IP6K1: variants seen among roughly 807,000 people sequenced by gnomAD.
The protein encoded by IP6K1 is inositol hexakisphosphate kinase 1, also known as ATP:1D-myo-inositol-hexakisphosphate phosphotransferase.
In IP6K1, 13 loss-of-function variants were observed where a neutral mutation model predicts 38.3. The ratio of observed to expected loss-of-function variants is 0.34; its 90% CI spans 0.22 to 0.54. IP6K1 has a LOEUF of 0.54. Ranked by LOEUF, IP6K1 falls within the 20% of genes least tolerant of loss-of-function variation. The probability of loss-of-function intolerance (pLI) is 0.92; values close to 1 mark genes in which losing one functional copy is unlikely to be tolerated. For synonymous variants in IP6K1, 212 were observed against 229.9 expected, an observed-to-expected ratio of 0.92 and a Z score of 0.70; for missense variants, 397 against 599.8, an observed-to-expected ratio of 0.66 and a Z score of 3.53.
chr3:49,755,255 T>C (rs1217131217), intron 1 of IP6K1, among the ~76,000 whole-genome samples: 2 of 152,104 alleles, frequency 1.3e-5, no homozygotes, highest in Non-Finnish European at 2.9e-5. Context: ...AATGTTTTTA[T>C]AGAATAAAGT....
intron 1 of IP6K1, among the ~76,000 whole-genome samples, chr3:49,779,166 T>C (rs1200644878): frequency 6.6e-6 from 1 of 152,218 alleles, no homozygotes; most frequent in African/African-American, 2.4e-5. Flanking sequence ...CAATCACTAA[T>C]GTACTTTCTG....
chr3:49,735,237 C>T (rs1235870418), intron 3 of IP6K1, among the ~76,000 whole-genome samples: 1 of 152,122 alleles, frequency 6.6e-6, no homozygotes, highest in African/African-American at 2.4e-5. Flanking sequence ...CACCTGTAGT[C>T]CCAGCTACTT....
chr3:49,762,542 T>C (rs571690207), intron 1 of IP6K1, among the ~76,000 whole-genome samples: 189 of 151,976 alleles, frequency 1.2e-3, no homozygotes, highest in Non-Finnish European at 1.9e-3. Flanking sequence ...AGAGCGAGAC[T>C]CTGTCTCAAA....
intron 1 of IP6K1, among the ~76,000 whole-genome samples, chr3:49,761,806 T>G (rs961582862): frequency 1.3e-5 from 2 of 151,532 alleles, no homozygotes; most frequent in African/African-American, 4.9e-5. Context: ...AAATGAAAAT[T>G]AGGCAGGCAT....
chr3:49,775,481 T>C (rs1191812644), intron 1 of IP6K1: 3 of 621,886 alleles, frequency 4.8e-6, no homozygotes, highest in South Asian at 2.3e-5. Context: ...CTGGGGTCTC[T>C]GGTGCCTATT....
intron 3 of IP6K1, among the ~76,000 whole-genome samples, chr3:49,736,594 AT>A (rs879676863): frequency 2.8e-4 from 43 of 152,084 alleles, no homozygotes; most frequent in Non-Finnish European, 3.1e-4. Context: ...TGGATATACC[AT>A]ATTTTGTTTA....
At chr3:49,783,119 C>CA (rs1177853458) in intron 1 of IP6K1, among the ~76,000 whole-genome samples, 4,289 of 100,826 alleles carry the variant, frequency 0.043, 84 homozygotes, top group Middle Eastern at 0.067. Context: ...GACTCTGTCT[C>CA]AAAAAAAAAA....
intron 3 of IP6K1, among the ~76,000 whole-genome samples, chr3:49,735,460 G>C (rs1021484693): frequency 2.0e-5 from 3 of 152,302 alleles, no homozygotes; most frequent in Admixed American, 2.0e-4. Context: ...TCACCTGAAC[G>C]ACCAAGTTAG....
intron 1 of IP6K1, among the ~76,000 whole-genome samples, chr3:49,757,965 A>ATTGACCTTT (rs2080838781): frequency 6.6e-6 from 1 of 152,198 alleles, no homozygotes; most frequent in Admixed American, 6.5e-5. Flanking sequence ...TGGTCACAGC[A>ATTGACCTTT]TTGACCTTTT....
chr3:49,772,469 C>T (rs1413535428), intron 1 of IP6K1, among the ~76,000 whole-genome samples: 3 of 151,950 alleles, frequency 2.0e-5, no homozygotes, highest in Non-Finnish European at 4.4e-5. Flanking sequence ...GTGGCACGAT[C>T]ATGATTCACT....
At chr3:49,771,683 A>C (rs1411489515) in intron 1 of IP6K1, among the ~76,000 whole-genome samples, 1 of 152,228 alleles carries the variant, frequency 6.6e-6, no homozygotes, top group East Asian at 1.9e-4. Flanking sequence ...CCTATGACCC[A>C]GCAATTCTAG....
intron 4 of IP6K1, among the ~76,000 whole-genome samples, chr3:49,730,501 T>C (rs2080552958): frequency 6.6e-6 from 1 of 152,202 alleles, no homozygotes; most frequent in Non-Finnish European, 1.5e-5. Context: ...GGAAACCAGA[T>C]TCTAACATTC....
intron 3 of IP6K1, among the ~76,000 whole-genome samples, chr3:49,735,275 A>T (rs7618519): frequency 0.53 from 80,975 of 152,014 alleles, 22,384 homozygotes; most frequent in East Asian, 0.82. Context: ...GGGGATAGGA[A>T]GGCTTGAGCC....
Position 49,747,808 on chromosome 3 carries a change from A to AGT in IP6K1, c.223+8_223+9dup, listed in dbSNP as rs1423197209. 9.3e-6 allele frequency: 15 copies of AGT among 1,614,122 alleles called. No individual in the cohort carries two copies. Among genetic ancestry groups the AGT allele is most frequent in the Non-Finnish European group, 1.3e-5 (15 of 1,179,978 alleles). On this transcript the variant is annotated intron_variant, in intron 2 of 5. Coordinates refer to ENST00000321599, the MANE Select transcript of IP6K1 (RefSeq NM_153273.4). ...GGCTGCTGCTTTCATTAAACTGGCC[A>AGT]GTGACTGACCTTTGTATTCAGGGGT...
At chr3:49,733,901 A>G (rs1305513344) in intron 3 of IP6K1, among the ~76,000 whole-genome samples, 1 of 152,192 alleles carries the variant, frequency 6.6e-6, no homozygotes, top group African/African-American at 2.4e-5. Context: ...AGGCCAAGGT[A>G]GGAGGATCAC....
intron 1 of IP6K1, among the ~76,000 whole-genome samples, chr3:49,780,157 G>A (rs2081052280): frequency 6.6e-6 from 1 of 151,984 alleles, no homozygotes; most frequent in Admixed American, 6.6e-5. Context: ...AAAGAGATCA[G>A]CAGATTTTCT....
At chr3:49,768,587 T>G (rs567009662) in intron 1 of IP6K1, among the ~76,000 whole-genome samples, 1 of 152,166 alleles carries the variant, frequency 6.6e-6, no homozygotes, top group African/African-American at 2.4e-5. Context: ...CTGGCCAACA[T>G]GGTGAAACCC....
intron 1 of IP6K1, among the ~76,000 whole-genome samples, chr3:49,782,927 T>C (rs1435112777): frequency 5.9e-5 from 7 of 117,650 alleles, no homozygotes; most frequent in Non-Finnish European, 1.2e-4. Flanking sequence ...CTGGCCAACA[T>C]GGCAAAACCC....
At chr3:49,742,320 G>T (rs989809605) in intron 2 of IP6K1, among the ~76,000 whole-genome samples, 4 of 151,488 alleles carry the variant, frequency 2.6e-5, no homozygotes, top group South Asian at 2.1e-4. Context: ...GAGGCTGAGG[G>T]GGGCGGATCA....
Sources: gnomAD v4.1 joint callset for allele counts (sites outside exome capture counted in the v4.1 genomes callset) on GRCh38, gnomAD v4.1.1 for gene constraint, MANE v1.5 for transcripts, NCBI Gene and HGNC (gene_info 2026-07-23, HGNC 2026-07-21) for gene names.